NDUFA10: variants seen among roughly 807,000 people sequenced by gnomAD.
NDUFA10 encodes the protein NADH:ubiquinone oxidoreductase subunit A10, also known as NADH dehydrogenase [ubiquinone] 1 alpha subcomplex subunit 10, mitochondrial.
A neutral mutation model predicts 47.8 loss-of-function variants in NDUFA10; 40 were observed. The ratio of observed to expected loss-of-function variants is 0.84; its 90% CI spans 0.65 to 1.09. NDUFA10 has a LOEUF of 1.09. Among genes scored for constraint, NDUFA10 ranks in the 50% least tolerant of loss-of-function variants. The pLI is 0.00. For missense variants in NDUFA10, 413 were observed against 451.1 expected, an observed-to-expected ratio of 0.92 and a Z score of 0.76; for synonymous variants, 183 against 172.2, an observed-to-expected ratio of 1.06 and a Z score of -0.49.
intron 4 of NDUFA10, among the ~76,000 whole-genome samples, chr2:239,913,755 C>A (rs1349119092): frequency 6.6e-6 from 1 of 152,240 alleles, no homozygotes; most frequent in Non-Finnish European, 1.5e-5. Context: ...CTGAGCTCAA[C>A]CGGATGCAGT....
chr2:239,963,655 C>T (rs919838703), intron 9 of NDUFA10, among the ~76,000 whole-genome samples: 57 of 152,290 alleles, frequency 3.7e-4, no homozygotes, highest in Middle Eastern at 3.4e-3. Context: ...GGCTACATGG[C>T]GGGTTGCCCC....
At chr2:240,009,141 C>G (rs546816841) in intron 6 of NDUFA10, among the ~76,000 whole-genome samples, 4 of 152,308 alleles carry the variant, frequency 2.6e-5, no homozygotes, top group African/African-American at 4.8e-5. Context: ...CAGAGCCTCC[C>G]CAGCTCCTCA....
chr2:239,973,650 G>A (rs909785531), intron 9 of NDUFA10: 4 of 469,388 alleles, frequency 8.5e-6, no homozygotes, highest in Non-Finnish European at 1.8e-5. Flanking sequence ...TCCTTCCATT[G>A]AAGAGACTGA....
At chr2:239,936,812 G>A (rs1314037939) in intron 4 of NDUFA10, among the ~76,000 whole-genome samples, 1 of 152,092 alleles carries the variant, frequency 6.6e-6, no homozygotes, top group Non-Finnish European at 1.5e-5. Context: ...AATTAGCCAG[G>A]CACCGGGTGT....
At chr2:239,982,953 T>C (rs142453339) in intron 9 of NDUFA10, among the ~76,000 whole-genome samples, 172 of 152,262 alleles carry the variant, frequency 1.1e-3, no homozygotes, top group African/African-American at 4.1e-3. Context: ...GTGGGGCCTT[T>C]TGTTAGAAAT....
intron 9 of NDUFA10, among the ~76,000 whole-genome samples, chr2:239,962,806 G>A (rs919528134): frequency 3.3e-5 from 5 of 152,140 alleles, no homozygotes; most frequent in Admixed American, 3.3e-4. Flanking sequence ...GTGGGAGTAG[G>A]AGCAAGAGCA....
At chr2:239,896,802 A>G (rs2106460340) in intron 4 of NDUFA10, among the ~76,000 whole-genome samples, 1 of 152,310 alleles carries the variant, frequency 6.6e-6, no homozygotes, top group East Asian at 1.9e-4. Context: ...AAACAACAAG[A>G]TGTTTGGGAT....
intron 4 of NDUFA10, among the ~76,000 whole-genome samples, chr2:240,015,662 C>G (rs781240910): frequency 6.6e-6 from 1 of 152,192 alleles, no homozygotes; most frequent in Non-Finnish European, 1.5e-5. Flanking sequence ...CCCAAGGGAA[C>G]CCTGCCGCTC....
chr2:240,024,864 A>G (rs1697789548), intron 1 of NDUFA10, among the ~76,000 whole-genome samples: 2 of 152,150 alleles, frequency 1.3e-5, no homozygotes, highest in Admixed American at 1.3e-4. Context: ...GCAGGGCCCG[A>G]CCTTTAAACG....
intron 4 of NDUFA10, among the ~76,000 whole-genome samples, chr2:239,918,145 G>T (rs1278076931): frequency 6.6e-6 from 1 of 152,166 alleles, no homozygotes; most frequent in Non-Finnish European, 1.5e-5. Flanking sequence ...ACCTGCTCTG[G>T]GGCCTGAGGG....
intron 4 of NDUFA10, among the ~76,000 whole-genome samples, chr2:239,904,442 C>T (rs915727039): frequency 1.3e-5 from 2 of 152,148 alleles, no homozygotes; most frequent in Non-Finnish European, 2.9e-5. Flanking sequence ...GGATTACAGG[C>T]ACACGCCATG....
Position 240,018,626 on chromosome 2 carries a change from CACA to C in NDUFA10, c.471_473del (p.Val158del), listed in dbSNP as rs1314503034. On this transcript the variant is annotated inframe_deletion, in exon 4 of 10. Coordinates refer to ENST00000252711, the MANE Select transcript of NDUFA10 (RefSeq NM_004544.4). ...AGTCACTGAAGATGGAGCGCTCCAACACAACACCTTGTCCTGTTTAAACATAGG... is the reference window on the plus strand; with the variant it reads ...AGTCACTGAAGATGGAGCGCTCCAACACACCTTGTCCTGTTTAAACATAGG... 1 of 1,614,058 alleles carries C rather than the reference CACA, an allele frequency of 6.2e-7. No homozygotes were observed. Among genetic ancestry groups the C allele is most frequent in the African/African-American group, 1.3e-5 (1 of 74,906 alleles).
intron 8 of NDUFA10, 143 bp downstream of exon 8, chr2:240,005,067 G>C (rs998569912): frequency 1.3e-6 from 1 of 752,644 alleles, no homozygotes; most frequent in Non-Finnish European, 2.4e-6. Context: ...TTCAGGAGCT[G>C]TTTGGAAGAA....
At position 239,960,593 on chromosome 2, in the gene NDUFA10, A is replaced by G. The variant is rs975441037; in HGVS notation, c.*525T>C. The G allele has an allele frequency of 1.8e-5, 18 of 1,014,328 alleles. No individual in the cohort carries two copies. Among genetic ancestry groups the G allele is most frequent in the Non-Finnish European group, 1.9e-5 (16 of 844,944 alleles). The allele number at this position is 1,014,328 out of a possible 1,614,324, so 62.8% of individuals were successfully genotyped here. A position where few individuals can be genotyped will look rare whatever the true frequency, so the allele number is the denominator to read the frequency against. On this transcript the variant is annotated 3_prime_UTR_variant, in exon 10 of 10. Coordinates refer to ENST00000252711, the MANE Select transcript of NDUFA10 (RefSeq NM_004544.4). ...TACTCTAATGTAGCACATTACTAAA[A>G]TAAATACAGTAGGCCTTTAGAAAAA...
intron 8 of NDUFA10, among the ~76,000 whole-genome samples, chr2:239,990,426 C>T (rs1315312664): frequency 6.6e-6 from 1 of 152,140 alleles, no homozygotes; most frequent in Non-Finnish European, 1.5e-5. Flanking sequence ...GCCTCAGTAC[C>T]TACATAGGAC....
At position 240,025,229 on chromosome 2, in the gene NDUFA10, C is replaced by A. The variant is rs1022298452; in HGVS notation, c.73G>T (p.Val25Leu). The change falls in exon 1 of 10, where the codon GTG (valine) becomes TTG (leucine). Residue 25 changes from valine to leucine, a missense_variant and splice_region_variant. Val to Leu is a conservative substitution (Grantham distance 32). Coordinates refer to ENST00000252711, the MANE Select transcript of NDUFA10 (RefSeq NM_004544.4). ...CTGCCACCCCGCCGCCCGCTCACCA[C>A]GCGCTGGGCGCCCGCCGCCACGACC... is the stretch of plus-strand genomic sequence containing the variant. Reference protein sequence around the residue: ...ARVVAAGAQRVRGIHSSVQCK... With the variant: ...ARVVAAGAQRLRGIHSSVQCK... The A allele has an allele frequency of 8.7e-6, 13 of 1,492,560 alleles. No individual in the cohort carries two copies. The Admixed American group carries it at 2.7e-4, about 31-fold the overall frequency. The allele number at this position is 1,492,560 out of a possible 1,614,324, so 92.5% of individuals were successfully genotyped here.
intron 4 of NDUFA10, among the ~76,000 whole-genome samples, chr2:239,904,940 T>C (rs554831271): frequency 2.0e-5 from 3 of 152,320 alleles, no homozygotes; most frequent in East Asian, 3.9e-4. Flanking sequence ...GGCGTCTCAC[T>C]GTGTCTGTGC....
At chr2:239,994,564 A>G (rs1217674570) in intron 8 of NDUFA10, among the ~76,000 whole-genome samples, 7 of 152,174 alleles carry the variant, frequency 4.6e-5, no homozygotes, top group Non-Finnish European at 1.0e-4. Flanking sequence ...GAATGTAATA[A>G]TAAGAGAAAT....
intron 4 of NDUFA10, chr2:240,017,713 G>T: frequency 2.2e-6 from 2 of 889,552 alleles, no homozygotes; most frequent in South Asian, 1.5e-5. Flanking sequence ...AGAAGCACGG[G>T]CTTGCAGTGC....
Sources: allele counts gnomAD v4.1 joint callset (sites outside exome capture counted in the v4.1 genomes callset), GRCh38; gene constraint gnomAD v4.1.1; transcripts MANE v1.5; gene names NCBI Gene and HGNC (gene_info 2026-07-23, HGNC 2026-07-21).